SACS: variants seen among roughly 807,000 people sequenced by gnomAD.
SACS encodes the protein sacsin molecular chaperone.
SACS carries 197 observed loss-of-function variants against 348.0 expected under a neutral mutation model. The ratio of observed to expected loss-of-function variants is 0.57; its 90% CI spans 0.50 to 0.64. The LOEUF (loss-of-function observed/expected upper bound fraction) is 0.64, where lower values mean the gene tolerates loss of function less well. SACS is among the 30% of genes least tolerant of loss of function. The pLI is 0.00. For synonymous variants in SACS, 1,985 were observed against 1,910.6 expected (o/e 1.04, Z -1.02); for missense variants, 4,999 against 5,360.8 (o/e 0.93, Z 2.11).
At position 23,329,632 on chromosome 13, in the gene SACS, A is replaced by C. The variant is rs765882017; in HGVS notation, c.*504T>G. ...TTAAATGCACTGAGTACAACATAAAATTACAACAAATTCATGATCAGAGCC... is the reference window on the plus strand; with the variant it reads ...TTAAATGCACTGAGTACAACATAAACTTACAACAAATTCATGATCAGAGCC... On this transcript the variant is annotated 3_prime_UTR_variant, in exon 10 of 10. Transcript: ENST00000382292. 41 of 540,020 alleles carry C rather than the reference A, an allele frequency of 7.6e-5. No individual in the cohort carries two copies. The highest frequency in any genetic ancestry group is 1.1e-4 in the Non-Finnish European group (35 of 310,462). The allele number at this position is 540,020 out of a possible 1,614,324, so 33.5% of individuals were successfully genotyped here.
chr13:23,390,860 C>A (rs773786616), intron 2 of SACS, among the ~76,000 whole-genome samples: 1 of 152,202 alleles, frequency 6.6e-6, no homozygotes, highest in Non-Finnish European at 1.5e-5. Context: ...TGTTGTCATG[C>A]CCCTCATTCA....
In SACS at chr13:23,332,360, A is replaced by C; in HGVS notation, c.11516T>G (p.Phe3839Cys). The C allele has an allele frequency of 6.2e-7, 1 of 1,614,006 alleles. No homozygotes were observed. Among genetic ancestry groups the C allele is most frequent in the East Asian group, 2.2e-5 (1 of 44,878 alleles). ...AATATCTTCAGTACCTAAGTGTTTG[A>C]ACAACTGGTGAAATGTGCCAAGTTC... ...PLELGTFHQL[F>C]KHLGTEDIIS... is the part of the protein sequence containing the mutation. Residue 3839 changes from phenylalanine (F) to cysteine (C), a missense_variant, in exon 10 of 10, where the codon TTC becomes TGC. Coordinates refer to ENST00000382292, the MANE Select transcript of SACS (RefSeq NM_014363.6).
rs1219029613 is a variant in SACS at position 23,329,925 on chromosome 13, A to C, written c.*211T>G. 5.2e-6 allele frequency: 3 copies of C among 579,324 alleles called. No individual in the cohort carries two copies. In the African/African-American group the frequency reaches 5.6e-5, roughly 11 times the overall value. The allele number at this position is 579,324 out of a possible 1,614,324, so 35.9% of individuals were successfully genotyped here. Reference sequence around the variant, plus strand: ...ATTCAAATCCATCCAGCTATTTTGCAGCTCACCACCATCTTCAAAATAGTT... The same window carrying C: ...ATTCAAATCCATCCAGCTATTTTGCCGCTCACCACCATCTTCAAAATAGTT... On this transcript the variant is annotated 3_prime_UTR_variant, in exon 10 of 10. Coordinates refer to ENST00000382292, the MANE Select transcript of SACS (RefSeq NM_014363.6).
At chr13:23,413,155 C>T (rs1213717208) in intron 1 of SACS, among the ~76,000 whole-genome samples, 1 of 152,068 alleles carries the variant, frequency 6.6e-6, no homozygotes, top group African/African-American at 2.4e-5. Context: ...TTTTGTATTT[C>T]TAGTAGAGGA....
chr13:23,340,873 A>C lies in SACS; in HGVS notation c.3003T>G (p.Asn1001Lys). ...TTACCTCTTCATGTGAATAAAATGC[A>C]TTTTCAATATCTTTTAAAACAAGCT... Reference protein sequence around the residue: ...CLKLVLKDIENAFYSHEEVTQ... With the variant: ...CLKLVLKDIEKAFYSHEEVTQ... Residue 1001 changes from asparagine (N) to lysine (K), a missense_variant, in exon 10 of 10, where the codon AAT (asparagine) becomes AAG (lysine). Physicochemically the swap from Asn to Lys is moderately conservative, Grantham distance 94. Transcript: ENST00000382292. 6.2e-7 allele frequency: 1 copy of C among 1,608,730 alleles called. No homozygotes were observed. Among genetic ancestry groups the C allele is most frequent in the Non-Finnish European group, 8.5e-7 (1 of 1,175,964 alleles).
At chr13:23,389,170 G>A (rs1321375115) in intron 2 of SACS, among the ~76,000 whole-genome samples, 1 of 150,864 alleles carries the variant, frequency 6.6e-6, no homozygotes, top group African/African-American at 2.4e-5. Flanking sequence ...ATATGTGTGT[G>A]TATATATATA....
At chr13:23,360,317 A>G (rs1870650198) in intron 6 of SACS, among the ~76,000 whole-genome samples, 1 of 151,826 alleles carries the variant, frequency 6.6e-6, no homozygotes. Flanking sequence ...TTCCTACCCA[A>G]CAGCTAACTT....
chr13:23,369,435 C>G (rs1232448703), intron 4 of SACS, among the ~76,000 whole-genome samples: 1 of 152,184 alleles, frequency 6.6e-6, no homozygotes, highest in Non-Finnish European at 1.5e-5. Context: ...GAAACCTCTG[C>G]TTAAAAAAGC....
chr13:23,335,882 C>A lies in SACS; in HGVS notation c.7994G>T (p.Arg2665Leu). ...APGATSISPGRMFRDLDADFR... is the reference protein window; with the variant it reads ...APGATSISPGLMFRDLDADFR... ...ATCTGCATCCAAATCTCTAAACATGCGTCCGGGACTAATGGATGTGGCCCC... is the reference window on the plus strand; with the variant it reads ...ATCTGCATCCAAATCTCTAAACATGAGTCCGGGACTAATGGATGTGGCCCC... Residue 2665 changes from arginine to leucine, a missense_variant, in exon 10 of 10, where the codon CGC (arginine) becomes CTC (leucine). Physicochemically the swap from Arg to Leu is moderately radical, Grantham distance 102 (BLOSUM62 -2). Around this residue, in one of 6 missense-constraint regions of SACS, gnomAD observed 3,156 missense variants for 3,380.1 expected, o/e 0.93. Coordinates refer to ENST00000382292, the MANE Select transcript of SACS (RefSeq NM_014363.6). The surrounding 1 kb of genome is among the most constrained non-coding windows in gnomAD (Gnocchi z 4.7). 1 of 1,613,754 alleles carries A rather than the reference C, an allele frequency of 6.2e-7. No individual in the cohort carries two copies. Among genetic ancestry groups the A allele is most frequent in the Non-Finnish European group, 8.5e-7 (1 of 1,179,774 alleles).
At chr13:23,364,574 C>G (rs1870947150) in intron 6 of SACS, among the ~76,000 whole-genome samples, 1 of 152,246 alleles carries the variant, frequency 6.6e-6, no homozygotes, top group East Asian at 1.9e-4. Flanking sequence ...AGCCACCGCA[C>G]CCAGCCAGAG....
chr13:23,399,854 C>T (rs1593173248), intron 2 of SACS, among the ~76,000 whole-genome samples: 1 of 152,214 alleles, frequency 6.6e-6, no homozygotes, highest in African/African-American at 2.4e-5. Flanking sequence ...ATAACCTCCC[C>T]TCCTACCAGA....
At chr13:23,380,202 T>G (rs1871996791) in intron 2 of SACS, among the ~76,000 whole-genome samples, 1 of 151,452 alleles carries the variant, frequency 6.6e-6, no homozygotes, top group African/African-American at 2.4e-5. Context: ...CAAAGAGAAC[T>G]GACTTCCCCC....
chr13:23,338,901 C>A lies in SACS; in HGVS notation c.4975G>T (p.Val1659Phe). The A allele has an allele frequency of 6.2e-7, 1 of 1,613,066 alleles. No homozygotes were observed. The highest frequency in any genetic ancestry group is 8.5e-7 in the Non-Finnish European group (1 of 1,179,622). ...GCTGTATTGTAGCACGTACTACTAA[C>A]TTCACTCACTTTTGCTTCCTGTTGA... is the stretch of plus-strand genomic sequence containing the variant. ...RTQQEAKVSE[V>F]SSTCYNTADI... The change falls in exon 10 of 10, where the codon GTT becomes TTT. Residue 1659 changes from valine to phenylalanine, a missense_variant. Coordinates refer to ENST00000382292, the MANE Select transcript of SACS (RefSeq NM_014363.6).
At chr13:23,368,912 G>A (rs545266277) in intron 4 of SACS, among the ~76,000 whole-genome samples, 11 of 152,158 alleles carry the variant, frequency 7.2e-5, no homozygotes, top group East Asian at 3.9e-4. Flanking sequence ...TGTTAGCCAG[G>A]ATGGTCTTGA....
chr13:23,401,705 C>T (rs532546642), intron 2 of SACS, among the ~76,000 whole-genome samples: 1 of 152,312 alleles, frequency 6.6e-6, no homozygotes, highest in South Asian at 2.1e-4. Flanking sequence ...GCTTTTGCAC[C>T]ACTTTTGTTT....
At chr13:23,358,279 C>T (rs1338485168) in intron 7 of SACS, 56 bp downstream of exon 7, 4 of 1,569,170 alleles carry the variant, frequency 2.5e-6, no homozygotes, top group Non-Finnish European at 3.5e-6. Context: ...AAATACATTA[C>T]AGAATGTAAG....
intron 2 of SACS, among the ~76,000 whole-genome samples, chr13:23,378,743 T>G (rs1367214741): frequency 6.6e-6 from 1 of 152,166 alleles, no homozygotes; most frequent in Non-Finnish European, 1.5e-5. Flanking sequence ...CGCCTGGCTC[T>G]TGCAACATTT....
chr13:23,401,617 T>C (rs1224847852), intron 2 of SACS, among the ~76,000 whole-genome samples: 1 of 152,242 alleles, frequency 6.6e-6, no homozygotes. Flanking sequence ...TCTCAAATTT[T>C]GGAGGTTCAC....
chr13:23,411,965 T>C (rs1873498582), intron 1 of SACS, among the ~76,000 whole-genome samples: 1 of 152,118 alleles, frequency 6.6e-6, no homozygotes, highest in African/African-American at 2.4e-5. Context: ...GCTACAGAAA[T>C]TAAAAGTACA....
Sources: gnomAD v4.1 joint callset for allele counts (sites outside exome capture counted in the v4.1 genomes callset) on GRCh38, gnomAD v4.1.1 for gene constraint, gnomAD v4.1.1 regional missense constraint, Gnocchi (gnomAD v3.1) non-coding constraint, MANE v1.5 for transcripts, NCBI Gene and HGNC (gene_info 2026-07-23, HGNC 2026-07-21) for gene names.